SLC13A1: variants seen among roughly 807,000 people sequenced by gnomAD.
SLC13A1 encodes solute carrier family 13 member 1, also known as Na(+)/sulfate cotransporter.
SLC13A1 carries 65 observed loss-of-function variants against 70.0 expected under a neutral mutation model. The observed-to-expected ratio is 0.93, with a 90% CI of 0.76 to 1.14. SLC13A1 has a LOEUF of 1.14. Among genes scored for constraint, SLC13A1 ranks in the 50% most tolerant of loss-of-function variants. The pLI is 0.00. For missense variants in SLC13A1, 726 were observed against 717.8 expected, an observed-to-expected ratio of 1.01 and a Z score of -0.13; for synonymous variants, 275 against 250.5, an observed-to-expected ratio of 1.10 and a Z score of -0.92.
Position 123,166,546 on chromosome 7 carries a change from T to C in SLC13A1, c.660+1828A>G, listed in dbSNP as rs369090912. 6.7e-3 allele frequency among the ~76,000 whole-genome samples: 1,020 copies of C among 151,848 alleles called. 8 individuals carry two copies. The highest frequency in any genetic ancestry group is 0.023 in the African/African-American group (935 of 41,308). ...TCTCCTAATGCTATCCGTCCCCCCT[T>C]CCCCCACCACACAACAGGCCCCAGT... On this transcript the variant is annotated intron_variant, in intron 6 of 14. Coordinates refer to ENST00000194130, the MANE Select transcript of SLC13A1 (RefSeq NM_022444.4).
rs532637650 is a variant in SLC13A1, at chr7:123,130,958, TA to T, written c.933-1478del. Among the ~76,000 whole-genome samples the T allele has an allele frequency of 2.1e-3, 325 of 152,266 alleles. 1 individual carries two copies. Among genetic ancestry groups the T allele is most frequent in the African/African-American group, 7.5e-3 (310 of 41,560 alleles). On this transcript the variant is annotated intron_variant, in intron 8 of 14. Coordinates refer to ENST00000194130, the MANE Select transcript of SLC13A1 (RefSeq NM_022444.4). ...AAATACTGTTCTAGATGGAGACTTT[TA>T]AAAAAATTCCTCCAGAGGAAGAACT... is the stretch of plus-strand genomic sequence containing the variant.
rs570974548 is a variant in SLC13A1, at chr7:123,160,361, C to T, written c.660+8013G>A. Among the ~76,000 whole-genome samples, 129 of 151,100 alleles carry T rather than the reference C, an allele frequency of 8.5e-4. 1 individual carries two copies. Among genetic ancestry groups the T allele is most frequent in the African/African-American group, 3.0e-3 (125 of 41,180 alleles). On this transcript the variant is annotated intron_variant, in intron 6 of 14. Transcript: ENST00000194130. ...AAATTAAGATAGATGAAGAGGTGCA[C>T]AGCAAAATGATAAAAGGTTAATCAA...
chr7:123,149,421 T>G, intron 6 of SLC13A1: 1 of 454,072 alleles, frequency 2.2e-6, no homozygotes, highest in African/African-American at 2.0e-5. Flanking sequence ...CTCCAAGTAG[T>G]AGTTTCTTAA....
rs540886370 is a variant in SLC13A1 at position 123,183,958 on chromosome 7, C to T, written c.100-2857G>A. 7.9e-5 allele frequency among the ~76,000 whole-genome samples: 12 copies of T among 151,520 alleles called. No homozygotes were observed. The East Asian group carries it at 2.1e-3, about 27-fold the overall frequency. On this transcript the variant is annotated intron_variant, in intron 1 of 14. Transcript: ENST00000194130. ...ACACATGTGCATTTTGTATTTTTTC[C>T]TAGGAGTCCCAGTGGATTATAATTT...
At chr7:123,154,724 A>G (rs759479328) in intron 6 of SLC13A1, among the ~76,000 whole-genome samples, 4 of 152,124 alleles carry the variant, frequency 2.6e-5, no homozygotes, top group Non-Finnish European at 5.9e-5. Flanking sequence ...CTGGTTGCTT[A>G]AACATTCTCT....
At chr7:123,154,413 A>G (rs1794651161) in intron 6 of SLC13A1, among the ~76,000 whole-genome samples, 1 of 152,102 alleles carries the variant, frequency 6.6e-6, no homozygotes, top group Admixed American at 6.6e-5. Flanking sequence ...TCACAACAGA[A>G]ATCCTGCAGG....
intron 6 of SLC13A1, among the ~76,000 whole-genome samples, chr7:123,167,513 G>A (rs1795115384): frequency 6.6e-6 from 1 of 152,146 alleles, no homozygotes; most frequent in African/African-American, 2.4e-5. Flanking sequence ...ATGGCCAGAT[G>A]AAGAAATATA....
At chr7:123,160,248 G>A (rs924495516) in intron 6 of SLC13A1, among the ~76,000 whole-genome samples, 4 of 149,924 alleles carry the variant, frequency 2.7e-5, no homozygotes, top group African/African-American at 9.8e-5. Context: ...TCTAGCCTAG[G>A]TGGCAGAGTG....
intron 12 of SLC13A1, among the ~76,000 whole-genome samples, chr7:123,121,192 A>T (rs1252757669): frequency 6.6e-6 from 1 of 152,068 alleles, no homozygotes; most frequent in East Asian, 1.9e-4. Flanking sequence ...GAGGACAGAG[A>T]ACAACAGCAG....
intron 3 of SLC13A1, among the ~76,000 whole-genome samples, chr7:123,171,109 A>C (rs1330643709): frequency 6.6e-6 from 1 of 152,236 alleles, no homozygotes; most frequent in Non-Finnish European, 1.5e-5. Flanking sequence ...GCTTTAACGC[A>C]AAATGCCACT....
intron 6 of SLC13A1, among the ~76,000 whole-genome samples, chr7:123,162,708 C>A (rs1171441834): frequency 1.3e-5 from 2 of 151,938 alleles, no homozygotes; most frequent in Non-Finnish European, 2.9e-5. Context: ...AGAACTAATA[C>A]CCCTAGTTTC....
chr7:123,120,654 C>T (rs1306662148), intron 12 of SLC13A1, among the ~76,000 whole-genome samples: 1 of 152,032 alleles, frequency 6.6e-6, no homozygotes, highest in Non-Finnish European at 1.5e-5. Flanking sequence ...AGATCAAAAG[C>T]TGGCACAGAA....
At chr7:123,143,422 ACTT>A (rs1794230833) in intron 7 of SLC13A1, among the ~76,000 whole-genome samples, 1 of 152,114 alleles carries the variant, frequency 6.6e-6, no homozygotes, top group African/African-American at 2.4e-5. Flanking sequence ...TGGGATGGGC[ACTT>A]CTTCTCTGGC....
intron 2 of SLC13A1, among the ~76,000 whole-genome samples, chr7:123,173,913 T>A (rs1795356664): frequency 6.6e-6 from 1 of 151,786 alleles, no homozygotes; most frequent in Non-Finnish European, 1.5e-5. Flanking sequence ...CAACTCTTAC[T>A]CTAGGTATAA....
chr7:123,132,292 A>G lies in SLC13A1; in HGVS notation c.932+2118T>C, dbSNP rs1010366177. On this transcript the variant is annotated intron_variant, in intron 8 of 14. Coordinates refer to ENST00000194130, the MANE Select transcript of SLC13A1 (RefSeq NM_022444.4). ...AAGCAGAAAGAGGAATCAAGAGGGGAGAATGTCAGTCCTCGTATTACTAGG... is the reference window on the plus strand; with the variant it reads ...AAGCAGAAAGAGGAATCAAGAGGGGGGAATGTCAGTCCTCGTATTACTAGG... 2.6e-5 allele frequency among the ~76,000 whole-genome samples: 4 copies of G among 152,196 alleles called. No homozygotes were observed. In the South Asian group the frequency reaches 8.3e-4, roughly 32 times the overall value.
At chr7:123,188,807 T>C (rs975547780) in intron 1 of SLC13A1, among the ~76,000 whole-genome samples, 1 of 152,212 alleles carries the variant, frequency 6.6e-6, no homozygotes, top group Non-Finnish European at 1.5e-5. Flanking sequence ...TCTCATGTTT[T>C]TACCATATTT....
intron 1 of SLC13A1, among the ~76,000 whole-genome samples, chr7:123,188,353 C>T (rs542632212): frequency 6.6e-6 from 1 of 152,178 alleles, no homozygotes; most frequent in Admixed American, 6.5e-5. Flanking sequence ...TTCTTTATAG[C>T]ACTATGAAAA....
rs1264630372 is a variant in SLC13A1 at position 123,182,238 on chromosome 7, A to G, written c.100-1137T>C. On this transcript the variant is annotated intron_variant, in intron 1 of 14. Transcript: ENST00000194130. ...AACAGCTCTAGAGAGAATTGTGTAT[A>G]CTAGCTTAAATTAAAATGCCAGCAT... is the stretch of plus-strand genomic sequence containing the variant. Among the ~76,000 whole-genome samples, 3 of 152,162 alleles carry G rather than the reference A, an allele frequency of 2.0e-5. No homozygotes were observed. The South Asian group carries it at 6.2e-4, about 31-fold the overall frequency.
Position 123,148,397 on chromosome 7 carries a change from T to C in SLC13A1, c.661-1087A>G, listed in dbSNP as rs568003345. 1.4e-3 allele frequency: 566 copies of C among 415,300 alleles called. 4 individuals are homozygous for C. Among genetic ancestry groups the C allele is most frequent in the Non-Finnish European group, 2.4e-3 (494 of 209,696 alleles). 25.7% of individuals were successfully genotyped at this position (415,300 alleles called of 1,614,324 possible). Reference sequence around the variant, plus strand: ...CTCCACCTCAGTCACCCCACCCCCATAGTTATACCTTGGACAATGGCACAT... The same window carrying C: ...CTCCACCTCAGTCACCCCACCCCCACAGTTATACCTTGGACAATGGCACAT... On this transcript the variant is annotated intron_variant, in intron 6 of 14. Transcript: ENST00000194130.
Sources: allele counts gnomAD v4.1 joint callset (sites outside exome capture counted in the v4.1 genomes callset), GRCh38; gene constraint gnomAD v4.1.1; transcripts MANE v1.5; gene names NCBI Gene and HGNC (gene_info 2026-07-23, HGNC 2026-07-21).